SLC17A1: variants seen among roughly 807,000 people sequenced by gnomAD.
SLC17A1 encodes solute carrier family 17 member 1.
In SLC17A1, 51 loss-of-function variants were observed where a neutral mutation model predicts 53.5. That is an observed-to-expected ratio of 0.95 (90% confidence interval 0.76 to 1.20). SLC17A1 has a LOEUF of 1.20. SLC17A1 is among the 50% of genes most tolerant of loss of function. The probability of loss-of-function intolerance (pLI) is 0.00; values close to 1 mark genes in which losing one functional copy is unlikely to be tolerated. For synonymous variants in SLC17A1, 179 were observed against 198.8 expected (o/e 0.90, Z 0.84); for missense variants, 538 against 568.2 (o/e 0.95, Z 0.54).
the SLC17A1 span, among the ~76,000 whole-genome samples, chr6:25,743,215 G>A: frequency 6.6e-6 from 1 of 152,170 alleles, no homozygotes; most frequent in East Asian, 1.9e-4. Context: ...TTTAAACCAT[G>A]TTAATGATTT....
intron 3 of SLC17A1, among the ~76,000 whole-genome samples, chr6:25,824,046 T>C (rs1210148877): frequency 6.6e-6 from 1 of 151,924 alleles, no homozygotes; most frequent in East Asian, 1.9e-4. Context: ...TGTACATCCA[T>C]ATGTAAAAAA....
chr6:25,736,956 T>G, the SLC17A1 span, among the ~76,000 whole-genome samples: 1 of 152,322 alleles, frequency 6.6e-6, no homozygotes, highest in East Asian at 1.9e-4. Flanking sequence ...TCTTGTTAGA[T>G]CTTACCTAAC....
rs1366566323 is a variant in SLC17A1, at chr6:25,789,435, T to C, written c.*3-6217A>G. ...CAAAGTATGTAAATATTTACATAGT[T>C]CCAAAGTATGTAAATATTTACATAG... On this transcript the variant is annotated intron_variant, in intron 12 of 12. Transcript: ENST00000244527. Among the ~76,000 whole-genome samples the C allele has an allele frequency of 2.0e-5, 3 of 152,328 alleles. No homozygotes were observed. The East Asian group carries it at 5.8e-4, about 29-fold the overall frequency.
intron 10 of SLC17A1, among the ~76,000 whole-genome samples, chr6:25,803,009 C>T (rs1763833630): frequency 7.2e-6 from 1 of 139,472 alleles, no homozygotes; most frequent in African/African-American, 2.8e-5. Flanking sequence ...TGCAGTGGCC[C>T]CATCTCGGCT....
chr6:25,814,990 AACACACACAC>A (rs56723023), intron 6 of SLC17A1, among the ~76,000 whole-genome samples: 6 of 51,578 alleles, frequency 1.2e-4, no homozygotes, highest in Non-Finnish European at 2.6e-4. Flanking sequence ...CTGTCACACA[AACACACACAC>A]ACACACACAC....
At chr6:25,777,902 T>A in the SLC17A1 span, 1 of 1,576,146 alleles carries the variant, frequency 6.3e-7, no homozygotes, top group Non-Finnish European at 8.7e-7. Flanking sequence ...TTGGTTATAA[T>A]AGAGTACCAT....
At chr6:25,781,394 A>T (rs2151470077), downstream of SLC17A1, among the ~76,000 whole-genome samples, 1 of 152,302 alleles carries the variant, frequency 6.6e-6, no homozygotes, top group African/African-American at 2.4e-5. Flanking sequence ...CCAATGCCAA[A>T]TTTGCAGTGA....
the SLC17A1 span, among the ~76,000 whole-genome samples, chr6:25,766,250 A>C: frequency 9.2e-5 from 14 of 151,822 alleles, no homozygotes; most frequent in Non-Finnish European, 1.5e-4. Flanking sequence ...TAAGAAATGA[A>C]GAAAATTGTC....
At chr6:25,741,757 C>G in the SLC17A1 span, among the ~76,000 whole-genome samples, 4 of 151,724 alleles carry the variant, frequency 2.6e-5, no homozygotes, top group Non-Finnish European at 5.9e-5. Context: ...AAAAATTAGC[C>G]GAGCATGGTT....
chr6:25,825,631 G>C (rs1299924638), intron 3 of SLC17A1, among the ~76,000 whole-genome samples: 4 of 151,678 alleles, frequency 2.6e-5, no homozygotes. Context: ...CTTTGTTTTT[G>C]TTTTTGCTAT....
chr6:25,759,651 T>A, the SLC17A1 span, among the ~76,000 whole-genome samples: 2 of 152,176 alleles, frequency 1.3e-5, no homozygotes, highest in African/African-American at 4.8e-5. Context: ...AGACTCCGTC[T>A]CAAAAAACAA....
chr6:25,830,716 C>T, intron 1 of SLC17A1, 109 bp from the exon 2 acceptor site: 1 of 630,242 alleles, frequency 1.6e-6, no homozygotes, highest in Non-Finnish European at 2.9e-6. Context: ...TAACTTGCTC[C>T]ATCACAGCAG....
the SLC17A1 span, among the ~76,000 whole-genome samples, chr6:25,725,621 T>A: frequency 6.6e-6 from 1 of 152,148 alleles, no homozygotes; most frequent in South Asian, 2.1e-4. Context: ...TTTGAGATAG[T>A]CTCGCTCATG....
At chr6:25,741,382 C>T in the SLC17A1 span, among the ~76,000 whole-genome samples, 2 of 123,614 alleles carry the variant, frequency 1.6e-5, no homozygotes, top group Non-Finnish European at 3.3e-5. Flanking sequence ...TCAGCCTGGC[C>T]AACATGGCAA....
chr6:25,769,132 G>A, the SLC17A1 span: 610 of 1,613,992 alleles, frequency 3.8e-4, 1 homozygote, highest in East Asian at 0.011. Flanking sequence ...TCCACAGAAC[G>A]GCCCTCCACT....
intron 10 of SLC17A1, among the ~76,000 whole-genome samples, chr6:25,802,379 T>G (rs1763805899): frequency 6.6e-6 from 1 of 152,188 alleles, no homozygotes; most frequent in Admixed American, 6.5e-5. Flanking sequence ...ATTGTTTTCA[T>G]TTTGCAAATT....
At chr6:25,795,773 G>A (rs894442775) in intron 12 of SLC17A1, among the ~76,000 whole-genome samples, 1 of 151,920 alleles carries the variant, frequency 6.6e-6, no homozygotes, top group African/African-American at 2.4e-5. Context: ...ACAATTTAAG[G>A]TTGTCATATC....
the SLC17A1 span, among the ~76,000 whole-genome samples, chr6:25,758,734 A>G: frequency 1.6e-5 from 1 of 60,856 alleles, no homozygotes; most frequent in African/African-American, 3.7e-5. Context: ...ATCTTTTCAA[A>G]GAACCAGCTT....
chr6:25,793,185 C>A (rs1411808153), intron 12 of SLC17A1, among the ~76,000 whole-genome samples: 1 of 152,176 alleles, frequency 6.6e-6, no homozygotes, highest in Non-Finnish European at 1.5e-5. Flanking sequence ...AGCTCACTCC[C>A]ATCCCAGATT....
Sources: gnomAD v4.1 joint callset for allele counts (sites outside exome capture counted in the v4.1 genomes callset) on GRCh38, gnomAD v4.1.1 for gene constraint, MANE v1.5 for transcripts, NCBI Gene and HGNC (gene_info 2026-07-23, HGNC 2026-07-21) for gene names.